The following DDB1 variants were observed in gnomAD, a reference collection of about 807,000 sequenced individuals.
The protein encoded by DDB1 is damage specific DNA binding protein 1.
A neutral mutation model predicts 133.1 loss-of-function variants in DDB1; 18 were observed. The observed-to-expected ratio is 0.14, with a 90% CI of 0.09 to 0.20. The LOEUF (loss-of-function observed/expected upper bound fraction) is 0.20. Among genes scored for constraint, DDB1 ranks in the 10% least tolerant of loss-of-function variants. The pLI is 1.00. For missense variants in DDB1, 828 were observed against 1,459.2 expected (o/e 0.57, Z 7.05); for synonymous variants, 580 against 550.5 (o/e 1.05, Z -0.75).
rs1300278446 is a variant in DDB1, at chr11:61,300,194, C to T, written c.3365G>A (p.Arg1122Gln). The T allele has an allele frequency of 1.9e-6, 3 of 1,614,126 alleles. No individual in the cohort carries two copies. Among genetic ancestry groups the T allele is most frequent in the Non-Finnish European group, 2.5e-6 (3 of 1,180,034 alleles). ...LQYDDGSGMKREATADDLIKV... is the reference protein window; with the variant it reads ...LQYDDGSGMKQEATADDLIKV... The stretch of plus-strand genomic sequence containing the variant: ...GATGAGGTCGTCTGCAGTGGCCTCT[C>T]GCTTCATACCGCTGCCATCGTCATA... Residue 1122 changes from arginine to glutamine, a missense_variant, in exon 27 of 27, where the codon CGA (arginine) becomes CAA (glutamine). Around this residue, in one of 7 missense-constraint regions of DDB1, gnomAD observed 116 missense variants for 221.6 expected, o/e 0.52. Coordinates refer to ENST00000301764, the MANE Select transcript of DDB1 (RefSeq NM_001923.5).
At chr11:61,302,206 A>G in intron 25 of DDB1, 51 bp downstream of exon 25, 1 of 1,494,692 alleles carries the variant, frequency 6.7e-7, no homozygotes, top group Admixed American at 1.7e-5. Context: ...TCCGTGTGCC[A>G]CATATGCCGG....
At chr11:61,317,654 G>A (rs767021911) in intron 10 of DDB1, among the ~76,000 whole-genome samples, 1 of 150,472 alleles carries the variant, frequency 6.6e-6, no homozygotes, top group Non-Finnish European at 1.5e-5. Flanking sequence ...CTACAGGTGC[G>A]TGTCACCACG....
chr11:61,314,175 T>A lies in DDB1; in HGVS notation c.1625A>T (p.Asp542Val). The A allele has an allele frequency of 6.2e-7, 1 of 1,610,908 alleles. No individual in the cohort carries two copies. Among genetic ancestry groups the A allele is most frequent in the Non-Finnish European group, 8.5e-7 (1 of 1,178,436 alleles). ...ATTGCTGTCTCCTAATGGGGTGATG[T>A]CCAAGCAAGCCACTTCATGTTCCAT... is the stretch of plus-strand genomic sequence containing the variant. ...TEMEHEVACL[D>V]ITPLGDSNGL... Residue 542 changes from aspartate to valine, a missense_variant, in exon 14 of 27, where the codon GAC (aspartate) becomes GTC (valine). Asp to Val is a radical substitution (Grantham distance 152). Around this residue, in one of 7 missense-constraint regions of DDB1, gnomAD observed 396 missense variants for 554.1 expected, o/e 0.71. Coordinates refer to ENST00000301764, the MANE Select transcript of DDB1 (RefSeq NM_001923.5).
rs1354727685 is a variant in DDB1, at chr11:61,303,484, C to T, written c.2833-329G>A. The T allele has an allele frequency of 1.6e-5, 5 of 303,488 alleles. No individual in the cohort carries two copies. In the East Asian group the frequency reaches 3.9e-4, roughly 24 times the overall value. 18.8% of individuals were successfully genotyped at this position (303,488 alleles called of 1,614,324 possible). ...CGGGCCGATTATGAGGTCAGGAGAT[C>T]GAGACCATCCTGGCTAACAAGGTGA... is the stretch of plus-strand genomic sequence containing the variant. On this transcript the variant is annotated intron_variant, in intron 22 of 26. Coordinates refer to ENST00000301764, the MANE Select transcript of DDB1 (RefSeq NM_001923.5).
In DDB1 at chr11:61,300,923, G is replaced by A. The variant is rs1215922735; in HGVS notation, c.3225C>T (p.Ser1075=). Residue 1075 remains serine, a synonymous_variant, in exon 26 of 27, where the codon TCC becomes TCT. Coordinates refer to ENST00000301764, the MANE Select transcript of DDB1 (RefSeq NM_001923.5). ...VGKIEHSFWR[S]FHTERKTEPA... is the part of the protein sequence containing the mutation. ...GTTCTGTCTTCCGCTCGGTGTGAAA[G>A]GATCTCCAGGTGGATGGGTGAGTTA... 6.2e-7 allele frequency: 1 copy of A among 1,614,146 alleles called. No individual in the cohort carries two copies. Among genetic ancestry groups the A allele is most frequent in the South Asian group, 1.1e-5 (1 of 91,074 alleles).
intron 21 of DDB1, among the ~76,000 whole-genome samples, chr11:61,307,110 A>T (rs1251195278): frequency 6.6e-6 from 1 of 152,212 alleles, no homozygotes; most frequent in Non-Finnish European, 1.5e-5. Flanking sequence ...TTGCCTGGCC[A>T]AGAACAATGG....
chr11:61,326,947 G>C, intron 4 of DDB1, 54 bp from the exon 5 acceptor site: 2 of 1,350,100 alleles, frequency 1.5e-6, no homozygotes, highest in Non-Finnish European at 1.1e-6. Flanking sequence ...CCTTGGGCTA[G>C]AGAGAGGTGC....
intron 23 of DDB1, 29 bp downstream of exon 23, chr11:61,303,017 C>T (rs371873153): frequency 1.3e-6 from 2 of 1,597,248 alleles, no homozygotes; most frequent in Non-Finnish European, 1.7e-6. Context: ...CAGCCCTCCC[C>T]ACCACTCCCA....
At chr11:61,329,215 C>A (rs1590700952) in intron 4 of DDB1, 148 bp downstream of exon 4, 1 of 724,232 alleles carries the variant, frequency 1.4e-6, no homozygotes, top group East Asian at 2.6e-5. Flanking sequence ...AAAGTCTGAC[C>A]CATATTAATT....
Position 61,309,971 on chromosome 11 carries a change from G to A in DDB1, c.2402-11C>T. On this transcript the variant is annotated splice_polypyrimidine_tract_variant and intron_variant, in intron 19 of 26. Coordinates refer to ENST00000301764, the MANE Select transcript of DDB1 (RefSeq NM_001923.5). The stretch of plus-strand genomic sequence containing the variant: ...GGTGGGCATGAAGCACTAGAGAGTA[G>A]AGAGATGACTACGTGATGACAGGTT... The A allele has an allele frequency of 1.2e-6, 2 of 1,614,190 alleles. No homozygotes were observed. The highest frequency in any genetic ancestry group is 1.3e-5 in the African/African-American group (1 of 75,042).
chr11:61,305,294 G>A (rs1855866531), intron 21 of DDB1, among the ~76,000 whole-genome samples: 1 of 152,192 alleles, frequency 6.6e-6, no homozygotes, highest in Non-Finnish European at 1.5e-5. Flanking sequence ...GGATCACGAG[G>A]TCAGGAGATC....
At chr11:61,302,980 T>C in intron 23 of DDB1, 66 bp downstream of exon 23, 1 of 1,453,432 alleles carries the variant, frequency 6.9e-7, no homozygotes, top group Non-Finnish European at 9.6e-7. Flanking sequence ...ACCCAATGCT[T>C]GCATCCACCA....
chr11:61,307,411 C>A (rs1283428268), intron 21 of DDB1, among the ~76,000 whole-genome samples: 3 of 152,258 alleles, frequency 2.0e-5, no homozygotes, highest in African/African-American at 4.8e-5. Flanking sequence ...GCCAGCAACA[C>A]TTGGAGTTTA....
At chr11:61,303,212 G>T in intron 22 of DDB1, 57 bp from the exon 23 acceptor site, 1 of 1,509,826 alleles carries the variant, frequency 6.6e-7, no homozygotes, top group South Asian at 1.1e-5. Context: ...ACGGAATCCA[G>T]TTCTGGGACT....
intron 20 of DDB1, 119 bp downstream of exon 20, chr11:61,309,677 T>TAAG (rs1375470096): frequency 9.7e-7 from 1 of 1,034,582 alleles, no homozygotes; most frequent in African/African-American, 1.6e-5. Flanking sequence ...AATAGCTCTT[T>TAAG]ACAGCAATGA....
chr11:61,304,926 C>T (rs892019436), intron 21 of DDB1, among the ~76,000 whole-genome samples: 4 of 151,798 alleles, frequency 2.6e-5, no homozygotes, highest in African/African-American at 9.7e-5. Flanking sequence ...TCTGTCTCCA[C>T]CACAGTGCTT....
At chr11:61,330,953 G>C (rs1454843216) in intron 2 of DDB1, among the ~76,000 whole-genome samples, 1 of 152,190 alleles carries the variant, frequency 6.6e-6, no homozygotes, top group Non-Finnish European at 1.5e-5. Context: ...ACCATGCCCG[G>C]CCTGGTAATT....
At chr11:61,307,976 A>T (rs777558754) in intron 21 of DDB1, among the ~76,000 whole-genome samples, 2 of 152,062 alleles carry the variant, frequency 1.3e-5, no homozygotes, top group African/African-American at 2.4e-5. Context: ...TTACTACAAG[A>T]GCCTCCCCTA....
At chr11:61,306,585 C>G (rs1480412221) in intron 21 of DDB1, among the ~76,000 whole-genome samples, 1 of 152,230 alleles carries the variant, frequency 6.6e-6, no homozygotes, top group African/African-American at 2.4e-5. Flanking sequence ...TTCTTTCCCA[C>G]TTACTTTGTC....
Sources: allele counts gnomAD v4.1 joint callset (sites outside exome capture counted in the v4.1 genomes callset), GRCh38; gene constraint gnomAD v4.1.1; regional missense constraint gnomAD v4.1.1; transcripts MANE v1.5; gene names NCBI Gene and HGNC (gene_info 2026-07-23, HGNC 2026-07-21).